The following HEATR4 variants were observed in gnomAD, a reference collection of about 807,000 sequenced individuals.
HEATR4 encodes the protein HEAT repeat containing 4.
A neutral mutation model predicts 108.8 loss-of-function variants in HEATR4; 95 were observed. The observed-to-expected ratio is 0.87, with a 90% confidence interval of 0.74 to 1.04. HEATR4 has a LOEUF of 1.04. HEATR4 is among the 50% of genes least tolerant of loss of function. The pLI, the probability that HEATR4 is intolerant of heterozygous loss-of-function variation, is 0.00. For synonymous variants in HEATR4, 443 were observed against 459.4 expected, an observed-to-expected ratio of 0.96 and a Z score of 0.46; for missense variants, 1,152 against 1,253.8, an observed-to-expected ratio of 0.92 and a Z score of 1.23.
chr14:73,481,854 T>A (rs1286706457), intron 17 of HEATR4, among the ~76,000 whole-genome samples: 3 of 149,022 alleles, frequency 2.0e-5, no homozygotes, highest in Non-Finnish European at 3.0e-5. Context: ...CAAAAAAAAA[T>A]AAAAAAATAA....
intron 5 of HEATR4, among the ~76,000 whole-genome samples, chr14:73,514,839 C>T (rs902260517): frequency 1.4e-4 from 21 of 152,132 alleles, no homozygotes; most frequent in African/African-American, 3.4e-4. Context: ...GAGGCCGAGG[C>T]GAGCAGATCA....
At chr14:73,591,920 C>A in the HEATR4 span, 1 of 1,352,312 alleles carries the variant, frequency 7.4e-7, no homozygotes, top group South Asian at 2.0e-5. Context: ...TTGGACGGGT[C>A]TCGGGCCTCG....
chr14:73,493,285 G>A (rs1885909032), intron 16 of HEATR4, 161 bp from the exon 17 acceptor site: 2 of 601,762 alleles, frequency 3.3e-6, no homozygotes, highest in African/African-American at 1.9e-5. Context: ...TTTGGAATTT[G>A]GATCTTTCAT....
Position 73,491,537 on chromosome 14 carries a change from A to T in HEATR4, c.2844+1529T>A, listed in dbSNP as rs1188846848. Reference sequence around the variant, plus strand: ...GACGGCGTCGGGGCCGCAGGTGGATAACACGGGTGGGGAGCCGGCCTGGGA... The same window carrying T: ...GACGGCGTCGGGGCCGCAGGTGGATTACACGGGTGGGGAGCCGGCCTGGGA... On this transcript the variant is annotated intron_variant, in intron 17 of 17. Coordinates refer to ENST00000553558, the MANE Select transcript of HEATR4 (RefSeq NM_001220484.1). The T allele has an allele frequency of 5.2e-6, 8 of 1,530,554 alleles. No individual in the cohort carries two copies. In the South Asian group the frequency reaches 9.7e-5, roughly 19 times the overall value. 94.8% of individuals were successfully genotyped at this position (1,530,554 alleles called of 1,614,324 possible). A position where few individuals can be genotyped will look rare whatever the true frequency, so the allele number is the denominator to read the frequency against.
At chr14:73,611,875 C>T in the HEATR4 span, among the ~76,000 whole-genome samples, 2 of 152,060 alleles carry the variant, frequency 1.3e-5, no homozygotes, top group South Asian at 2.1e-4. Flanking sequence ...GGGTAAAGGA[C>T]GGATTACGAC....
At chr14:73,527,447 A>G (rs1198707949) in intron 2 of HEATR4, 1 of 151,972 alleles carries the variant, frequency 6.6e-6, no homozygotes, top group Admixed American at 6.6e-5. Context: ...GAAATTTCAA[A>G]AAGAGATTGA....
chr14:73,548,527 T>C lies in HEATR4; in HGVS notation c.-152+10224A>G, dbSNP rs1194698403. ...CCAGTCCCTGAAGCTGAAGGAAATA[T>C]ATGACCAGGTAATGGTGTGTACTTA... On this transcript the variant is annotated intron_variant, in intron 1 of 17. Transcript: ENST00000553558. 1.7e-5 allele frequency among the ~76,000 whole-genome samples: 2 copies of C among 115,352 alleles called. 1 individual carries two copies. The highest frequency in any genetic ancestry group is 5.6e-5 in the African/African-American group (2 of 35,466). 75.7% of individuals were successfully genotyped at this position (115,352 alleles called of 152,430 possible).
At chr14:73,518,124 C>T (rs2140291763) in intron 5 of HEATR4, among the ~76,000 whole-genome samples, 1 of 151,422 alleles carries the variant, frequency 6.6e-6, no homozygotes, top group East Asian at 2.0e-4. Context: ...CTGTGGCTGT[C>T]CACAGCTGTC....
chr14:73,583,872 C>T, the HEATR4 span, among the ~76,000 whole-genome samples: 3 of 151,804 alleles, frequency 2.0e-5, no homozygotes, highest in Non-Finnish European at 2.9e-5. Context: ...TGGTGGTGCG[C>T]ACCTGTAGTC....
At chr14:73,592,840 G>C in the HEATR4 span, among the ~76,000 whole-genome samples, 1 of 152,124 alleles carries the variant, frequency 6.6e-6, no homozygotes. Context: ...GTGACAGAGC[G>C]AGACTCCGTC....
At chr14:73,575,538 C>T in the HEATR4 span, 1 of 1,515,902 alleles carries the variant, frequency 6.6e-7, no homozygotes. Flanking sequence ...TGTGGCCTCT[C>T]TGTTGCTAAT....
At chr14:73,616,063 C>T in the HEATR4 span, among the ~76,000 whole-genome samples, 2 of 151,962 alleles carry the variant, frequency 1.3e-5, no homozygotes, top group African/African-American at 2.4e-5. Flanking sequence ...AACTCTTGGG[C>T]TCAGATGATC....
At position 73,502,938 on chromosome 14, in the gene HEATR4, G is replaced by C. The variant is rs761202138; in HGVS notation, c.2062C>G (p.Leu688Val). The change falls in exon 11 of 18, where the codon CTT (leucine) becomes GTT (valine). Residue 688 changes from leucine (L) to valine (V), a missense_variant. Leu to Val is a conservative substitution (Grantham distance 32). Coordinates refer to ENST00000553558, the MANE Select transcript of HEATR4 (RefSeq NM_001220484.1). ...TCTTTCCCGAGGCTCATTTGCCCAA[G>C]CGCCTGTGCAGCTGCTCTCCTCACT... The part of the protein sequence containing the change: ...KEVRRAAAQA[L>V]GQMSLGKEVH... The C allele has an allele frequency of 5.6e-6, 9 of 1,614,038 alleles. No individual in the cohort carries two copies. The highest frequency in any genetic ancestry group is 8.5e-7 in the Non-Finnish European group (1 of 1,180,020).
chr14:73,628,300 A>T, the HEATR4 span, among the ~76,000 whole-genome samples: 1 of 152,006 alleles, frequency 6.6e-6, no homozygotes, highest in Non-Finnish European at 1.5e-5. Flanking sequence ...TCACATAGTC[A>T]TTTTTTTTAA....
At chr14:73,519,309 C>A in intron 4 of HEATR4, 146 bp from the exon 5 acceptor site, 1 of 650,048 alleles carries the variant, frequency 1.5e-6, no homozygotes, top group South Asian at 3.0e-5. Context: ...CTGGGGCATC[C>A]CTTGAAGGTG....
chr14:73,607,994 G>T, the HEATR4 span, among the ~76,000 whole-genome samples: 7 of 151,218 alleles, frequency 4.6e-5, no homozygotes, highest in Non-Finnish European at 1.0e-4. Context: ...GTGCAATCTT[G>T]ACTCACTGCA....
upstream of HEATR4, among the ~76,000 whole-genome samples, chr14:73,562,011 A>T (rs560434088): frequency 1.1e-4 from 17 of 152,154 alleles, no homozygotes; most frequent in Non-Finnish European, 1.8e-4. Flanking sequence ...TATGCTGTAA[A>T]TATATGGATG....
At chr14:73,500,428 T>C in intron 12 of HEATR4, 122 bp downstream of exon 12, 1 of 1,090,434 alleles carries the variant, frequency 9.2e-7, no homozygotes, top group Non-Finnish European at 1.3e-6. Context: ...TACACCCCCT[T>C]CCCAGTTCCA....
intron 17 of HEATR4, among the ~76,000 whole-genome samples, chr14:73,484,344 G>A (rs1198058123): frequency 1.3e-5 from 2 of 151,808 alleles, no homozygotes; most frequent in African/African-American, 2.4e-5. Context: ...GGCTTTTGGG[G>A]CCAGATGGCC....
Sources: allele counts gnomAD v4.1 joint callset (sites outside exome capture counted in the v4.1 genomes callset), GRCh38; gene constraint gnomAD v4.1.1; transcripts MANE v1.5; gene names NCBI Gene and HGNC (gene_info 2026-07-23, HGNC 2026-07-21).